Variants in KCNU1 observed in about 807,000 individuals in gnomAD.
KCNU1 encodes the protein potassium channel subfamily U member 1.
A neutral mutation model predicts 126.8 loss-of-function variants in KCNU1; 93 were observed. That is an observed-to-expected ratio of 0.73 (90% CI 0.62 to 0.87). The LOEUF (loss-of-function observed/expected upper bound fraction) is 0.87. KCNU1 is among the 40% of genes least tolerant of loss of function. The probability of loss-of-function intolerance (pLI) is 0.00; values close to 1 mark genes in which losing one functional copy is unlikely to be tolerated. For missense variants in KCNU1, 1,330 were observed against 1,367.1 expected (o/e 0.97, Z 0.43); for synonymous variants, 523 against 494.2 (o/e 1.06, Z -0.77).
intron 22 of KCNU1, among the ~76,000 whole-genome samples, chr8:36,915,651 A>G (rs1000680363): frequency 6.6e-6 from 1 of 152,174 alleles, no homozygotes; most frequent in African/African-American, 2.4e-5. Flanking sequence ...CCCTGTTCAC[A>G]CTGGCTATTT....
At chr8:36,853,000 G>A (rs1479977695) in intron 18 of KCNU1, among the ~76,000 whole-genome samples, 1 of 151,914 alleles carries the variant, frequency 6.6e-6, no homozygotes, top group Non-Finnish European at 1.5e-5. Context: ...ATCACCTAAG[G>A]TGAAACATTA....
chr8:36,805,427 A>G, intron 4 of KCNU1, 142 bp downstream of exon 4: 1 of 580,938 alleles, frequency 1.7e-6, no homozygotes, highest in Non-Finnish European at 3.1e-6. Flanking sequence ...TGTTAAATAT[A>G]TACTGATCCC....
At chr8:36,824,569 G>A (rs950229788) in intron 10 of KCNU1, among the ~76,000 whole-genome samples, 6 of 152,142 alleles carry the variant, frequency 3.9e-5, no homozygotes, top group African/African-American at 1.4e-4. Flanking sequence ...TTTGGATAAG[G>A]ATGGATTACT....
At chr8:36,890,249 T>C (rs1806904531) in intron 19 of KCNU1, among the ~76,000 whole-genome samples, 1 of 151,588 alleles carries the variant, frequency 6.6e-6, no homozygotes, top group Non-Finnish European at 1.5e-5. Context: ...AATGAATTAA[T>C]TTTTTTTATT....
chr8:36,807,470 G>A lies in KCNU1; in HGVS notation c.656+20G>A, dbSNP rs1262394656. 1 of 1,547,406 alleles carries A rather than the reference G, an allele frequency of 6.5e-7. No homozygotes were observed. Among genetic ancestry groups the A allele is most frequent in the Non-Finnish European group, 8.9e-7 (1 of 1,119,528 alleles). On this transcript the variant is annotated intron_variant, in intron 6 of 26. Transcript: ENST00000399881. ...GACCAGGTAAATAGCCCTGACCGAA[G>A]TACTGCTTACTTATTAGTTTGGATT...
chr8:36,844,390 C>CG (rs1554506420), intron 16 of KCNU1, among the ~76,000 whole-genome samples: 1 of 135,194 alleles, frequency 7.4e-6, no homozygotes, highest in African/African-American at 2.6e-5. Context: ...CAAAAAAAAA[C>CG]AAAAAAAAAA....
intron 16 of KCNU1, among the ~76,000 whole-genome samples, chr8:36,842,125 C>T (rs1163653687): frequency 6.6e-6 from 1 of 152,136 alleles, no homozygotes; most frequent in Non-Finnish European, 1.5e-5. Flanking sequence ...TTTGCTGGCC[C>T]TGTGGCCGTG....
chr8:36,878,488 G>T (rs1424359712), intron 19 of KCNU1, among the ~76,000 whole-genome samples: 1 of 152,114 alleles, frequency 6.6e-6, no homozygotes, highest in Non-Finnish European at 1.5e-5. Flanking sequence ...CACAAACTAG[G>T]TGACTAGCTT....
At chr8:36,797,119 C>T (rs2130370467) in intron 2 of KCNU1, among the ~76,000 whole-genome samples, 1 of 152,184 alleles carries the variant, frequency 6.6e-6, no homozygotes, top group Admixed American at 6.5e-5. Flanking sequence ...ACTCGCGCCT[C>T]CACTTCCTAG....
intron 19 of KCNU1, among the ~76,000 whole-genome samples, chr8:36,899,717 T>C (rs916178196): frequency 2.0e-5 from 3 of 152,130 alleles, no homozygotes; most frequent in African/African-American, 7.2e-5. Flanking sequence ...CTCTGTCTTC[T>C]CTTCCATTAA....
At chr8:36,872,569 T>C (rs757908598) in intron 19 of KCNU1, among the ~76,000 whole-genome samples, 1 of 152,102 alleles carries the variant, frequency 6.6e-6, no homozygotes, top group African/African-American at 2.4e-5. Flanking sequence ...AAATAAATAA[T>C]ACAATCTCAT....
At chr8:36,875,306 T>G (rs528901638) in intron 19 of KCNU1, among the ~76,000 whole-genome samples, 146 of 150,690 alleles carry the variant, frequency 9.7e-4, no homozygotes, top group Middle Eastern at 3.6e-3. Context: ...TGTATGTATA[T>G]ACACACATAT....
chr8:36,816,982 G>A (rs1486939620), intron 9 of KCNU1, among the ~76,000 whole-genome samples: 1 of 152,004 alleles, frequency 6.6e-6, no homozygotes, highest in African/African-American at 2.4e-5. Context: ...CCCTCTCTCA[G>A]ACAACTAGGA....
intron 7 of KCNU1, among the ~76,000 whole-genome samples, chr8:36,813,664 G>T (rs545053474): frequency 3.8e-4 from 53 of 139,382 alleles, no homozygotes; most frequent in African/African-American, 1.4e-3. Flanking sequence ...ATTTTTAAAG[G>T]TTTTTTTAAA....
chr8:36,792,830 TAAG>T (rs1438020072), intron 2 of KCNU1, among the ~76,000 whole-genome samples: 2 of 152,182 alleles, frequency 1.3e-5, no homozygotes, highest in Non-Finnish European at 1.5e-5. Context: ...CTGCATATAA[TAAG>T]TATATATAGG....
At chr8:36,820,391 A>G (rs1208227628) in intron 10 of KCNU1, among the ~76,000 whole-genome samples, 3 of 152,074 alleles carry the variant, frequency 2.0e-5, no homozygotes, top group Non-Finnish European at 1.5e-5. Context: ...TTGCATGGAG[A>G]CTCAGTAAAG....
chr8:36,823,163 G>A (rs756602566), intron 10 of KCNU1, among the ~76,000 whole-genome samples: 1 of 152,148 alleles, frequency 6.6e-6, no homozygotes, highest in Non-Finnish European at 1.5e-5. Context: ...GAAAGTATTA[G>A]ATTGGTGCAA....
At chr8:36,815,305 C>A (rs1428847552) in intron 8 of KCNU1, among the ~76,000 whole-genome samples, 1 of 151,950 alleles carries the variant, frequency 6.6e-6, no homozygotes, top group Non-Finnish European at 1.5e-5. Context: ...GACTCTGTCT[C>A]AAAAACAAAA....
At chr8:36,821,502 C>T (rs1269716890) in intron 10 of KCNU1, among the ~76,000 whole-genome samples, 1 of 152,090 alleles carries the variant, frequency 6.6e-6, no homozygotes, top group Non-Finnish European at 1.5e-5. Context: ...TTAGGAGCCC[C>T]CATCCAGGTC....
Sources: allele counts gnomAD v4.1 joint callset (sites outside exome capture counted in the v4.1 genomes callset), GRCh38; gene constraint gnomAD v4.1.1; transcripts MANE v1.5; gene names NCBI Gene and HGNC (gene_info 2026-07-23, HGNC 2026-07-21).